The following KCND2 variants were observed in gnomAD, a reference collection of about 807,000 sequenced individuals.
KCND2 encodes the protein A-type voltage-gated potassium channel KCND2.
KCND2 carries 16 observed loss-of-function variants against 54.4 expected under a neutral mutation model. The ratio of observed to expected loss-of-function variants is 0.29; its 90% CI spans 0.20 to 0.45. KCND2 has a LOEUF of 0.45. Among genes scored for constraint, KCND2 ranks in the 20% least tolerant of loss-of-function variants. KCND2 has a pLI of 1.00. For synonymous variants in KCND2, 317 were observed against 310.7 expected, an observed-to-expected ratio of 1.02 and a Z score of -0.21; for missense variants, 486 against 824.2, an observed-to-expected ratio of 0.59 and a Z score of 5.02.
At chr7:120,418,192 A>G (rs1801551963) in intron 1 of KCND2, among the ~76,000 whole-genome samples, 1 of 152,142 alleles carries the variant, frequency 6.6e-6, no homozygotes, top group African/African-American at 2.4e-5. Flanking sequence ...TATCATATTA[A>G]TGCCAAGATC....
chr7:120,272,981 C>G (rs1222922416), upstream of KCND2, among the ~76,000 whole-genome samples: 3 of 152,078 alleles, frequency 2.0e-5, no homozygotes, highest in African/African-American at 7.2e-5. Flanking sequence ...TCCACCAAAC[C>G]ACCGCAGCCC....
intron 1 of KCND2, among the ~76,000 whole-genome samples, chr7:120,384,741 A>C (rs999179467): frequency 6.6e-6 from 1 of 152,156 alleles, no homozygotes; most frequent in African/African-American, 2.4e-5. Flanking sequence ...TGAAGGAAAA[A>C]ATCCAGAACT....
Position 120,353,158 on chromosome 7 carries a change from T to A in KCND2, c.1115+77411T>A, listed in dbSNP as rs111236395. Among the ~76,000 whole-genome samples the A allele has an allele frequency of 9.2e-4, 136 of 147,722 alleles. 1 individual carries two copies. Among genetic ancestry groups the A allele is most frequent in the African/African-American group, 3.3e-3 (131 of 39,656 alleles). ...CTTTTTTTTTTTTTTTTTTTTTTTT[T>A]AGGCAAACTATAACACACAGCCTGA... On this transcript the variant is annotated intron_variant, in intron 1 of 5. Coordinates refer to ENST00000331113, the MANE Select transcript of KCND2 (RefSeq NM_012281.3).
chr7:120,398,060 A>G (rs941757816), intron 1 of KCND2, among the ~76,000 whole-genome samples: 2 of 139,782 alleles, frequency 1.4e-5, no homozygotes, highest in Non-Finnish European at 3.0e-5. Flanking sequence ...CCAGCCAAAT[A>G]TGTTTTAGTT....
chr7:120,667,341 T>A (rs542850729), intron 1 of KCND2, among the ~76,000 whole-genome samples: 11 of 152,144 alleles, frequency 7.2e-5, no homozygotes, highest in African/African-American at 2.6e-4. Context: ...TTACAAAGTC[T>A]TCTGTACACA....
At chr7:120,546,528 CA>C (rs1219113501) in intron 1 of KCND2, among the ~76,000 whole-genome samples, 1 of 151,876 alleles carries the variant, frequency 6.6e-6, no homozygotes, top group Non-Finnish European at 1.5e-5. Context: ...TTTCCAAAAT[CA>C]AAAGACTACT....
intron 1 of KCND2, among the ~76,000 whole-genome samples, chr7:120,376,401 C>T (rs951805890): frequency 2.0e-5 from 3 of 151,264 alleles, no homozygotes; most frequent in African/African-American, 7.3e-5. Context: ...TATTTAAAAA[C>T]CTCAAATATG....
rs76063576 is a variant in KCND2, at chr7:120,361,552, G to A, written c.1115+85805G>A. Among the ~76,000 whole-genome samples, 946 of 152,090 alleles carry A rather than the reference G, an allele frequency of 6.2e-3. 4 individuals carry two copies. Among genetic ancestry groups the A allele is most frequent in the African/African-American group, 0.021 (878 of 41,526 alleles). On this transcript the variant is annotated intron_variant, in intron 1 of 5. Coordinates refer to ENST00000331113, the MANE Select transcript of KCND2 (RefSeq NM_012281.3). ...CCATTTATTTGAGGATGGAGAGTTG[G>A]GATTTGAAGCATTCAGGGCAGGTGA...
At chr7:120,479,922 G>A (rs1161512967) in intron 1 of KCND2, among the ~76,000 whole-genome samples, 5 of 144,404 alleles carry the variant, frequency 3.5e-5, no homozygotes, top group South Asian at 4.3e-4. Flanking sequence ...AGCCGAGATC[G>A]CGCCACTGCA....
intron 1 of KCND2, among the ~76,000 whole-genome samples, chr7:120,397,447 A>G (rs557300104): frequency 5.2e-4 from 79 of 152,040 alleles, no homozygotes; most frequent in Non-Finnish European, 9.3e-4. Context: ...AATCATAAGG[A>G]TTGTTTCTTT....
At chr7:120,456,429 T>G (rs770707609) in intron 1 of KCND2, among the ~76,000 whole-genome samples, 1 of 152,188 alleles carries the variant, frequency 6.6e-6, no homozygotes, top group African/African-American at 2.4e-5. Context: ...TAAACTTCAA[T>G]TCATTTGTAC....
intron 1 of KCND2, among the ~76,000 whole-genome samples, chr7:120,296,055 A>G (rs1584717524): frequency 6.6e-6 from 1 of 152,280 alleles, no homozygotes; most frequent in East Asian, 1.9e-4. Context: ...AAAAATGTGA[A>G]CACTTTCTAA....
intron 1 of KCND2, among the ~76,000 whole-genome samples, chr7:120,423,437 G>A (rs756479091): frequency 6.6e-6 from 1 of 152,202 alleles, no homozygotes; most frequent in Non-Finnish European, 1.5e-5. Flanking sequence ...CTTTGGAGAT[G>A]TCAGAAATTA....
chr7:120,707,563 T>A (rs763691383), intron 1 of KCND2, among the ~76,000 whole-genome samples: 8 of 152,102 alleles, frequency 5.3e-5, no homozygotes, highest in Non-Finnish European at 8.8e-5. Context: ...AGTTGTAATA[T>A]CTTACTTTGG....
At chr7:120,310,629 C>T (rs1447780811) in intron 1 of KCND2, among the ~76,000 whole-genome samples, 1 of 151,956 alleles carries the variant, frequency 6.6e-6, no homozygotes, top group Non-Finnish European at 1.5e-5. Context: ...TTATAGAAAG[C>T]TATATAGACT....
chr7:120,329,141 G>A (rs1800025711), intron 1 of KCND2, among the ~76,000 whole-genome samples: 1 of 141,938 alleles, frequency 7.0e-6, no homozygotes, highest in Admixed American at 7.2e-5. Flanking sequence ...TTTTTTTGGA[G>A]ATGGAGTTTC....
intron 1 of KCND2, among the ~76,000 whole-genome samples, chr7:120,534,571 T>C (rs772158326): frequency 2.6e-4 from 39 of 152,096 alleles, no homozygotes; most frequent in Non-Finnish European, 1.3e-4. Context: ...ACAGAAATGT[T>C]TGCATTAGGG....
intron 1 of KCND2, among the ~76,000 whole-genome samples, chr7:120,417,679 A>C (rs1245212552): frequency 6.6e-6 from 1 of 152,220 alleles, no homozygotes; most frequent in Non-Finnish European, 1.5e-5. Context: ...GCAGGAAAGA[A>C]AGCAATCTGG....
rs926645380 is a variant in KCND2, at chr7:120,553,064, C to A, written c.1116-179839C>A. ...TTGGTGAAGACACTTAAAATCTATTCTTTTAGCAGATTTCAAGTATATAAT... is the reference window on the plus strand; with the variant it reads ...TTGGTGAAGACACTTAAAATCTATTATTTTAGCAGATTTCAAGTATATAAT... On this transcript the variant is annotated intron_variant, in intron 1 of 5. Coordinates refer to ENST00000331113, the MANE Select transcript of KCND2 (RefSeq NM_012281.3). Among the ~76,000 whole-genome samples the A allele has an allele frequency of 3.4e-4, 52 of 152,278 alleles. 1 individual carries two copies. The highest frequency in any genetic ancestry group is 1.2e-3 in the African/African-American group (50 of 41,566).
Sources: gnomAD v4.1 joint callset for allele counts (sites outside exome capture counted in the v4.1 genomes callset) on GRCh38, gnomAD v4.1.1 for gene constraint, MANE v1.5 for transcripts, NCBI Gene and HGNC (gene_info 2026-07-23, HGNC 2026-07-21) for gene names.